The following APBB2 variants were observed in gnomAD, a reference collection of about 807,000 sequenced individuals.
APBB2 encodes amyloid beta precursor protein binding family B member 2.
APBB2 carries 38 observed loss-of-function variants against 82.5 expected under a neutral mutation model. The observed-to-expected ratio is 0.46, with a 90% CI of 0.36 to 0.60. The LOEUF (loss-of-function observed/expected upper bound fraction) is 0.60, where lower values mean the gene tolerates loss of function less well. Among genes scored for constraint, APBB2 ranks in the 20% least tolerant of loss-of-function variants. The pLI is 0.00. For synonymous variants in APBB2, 341 were observed against 368.2 expected, an observed-to-expected ratio of 0.93 and a Z score of 0.85; for missense variants, 772 against 972.3, an observed-to-expected ratio of 0.79 and a Z score of 2.74.
chr4:40,997,018 T>C (rs1803812285), intron 6 of APBB2, among the ~76,000 whole-genome samples: 2 of 152,152 alleles, frequency 1.3e-5, no homozygotes, highest in Non-Finnish European at 2.9e-5. Flanking sequence ...GAAACTTACA[T>C]GACCGCTGCA....
intron 12 of APBB2, among the ~76,000 whole-genome samples, chr4:40,850,855 G>T (rs1307345578): frequency 1.3e-5 from 2 of 152,172 alleles, no homozygotes; most frequent in Non-Finnish European, 2.9e-5. Flanking sequence ...TGAGGCAGGA[G>T]AACTGCTTGA....
At chr4:41,123,101 GCTCT>G (rs150789404) in intron 2 of APBB2, among the ~76,000 whole-genome samples, 4 of 148,932 alleles carry the variant, frequency 2.7e-5, no homozygotes, top group South Asian at 2.1e-4. Flanking sequence ...TCTTGCCCCA[GCTCT>G]CTCTCTCTCT....
At chr4:40,827,470 T>A (rs975503181) in intron 13 of APBB2, among the ~76,000 whole-genome samples, 1 of 152,104 alleles carries the variant, frequency 6.6e-6, no homozygotes. Context: ...AATGGACTTC[T>A]TCCATTCACC....
At position 41,100,676 on chromosome 4, in the gene APBB2, C is replaced by CT; in HGVS notation, c.-187dup. ...TTTGGTACAAAGCTCAGAAGGCAAG[C>CT]TCCTTTTTTTCCCCACAAAGTCTGT... On this transcript the variant is annotated 5_prime_UTR_variant, in exon 3 of 18. Transcript: ENST00000508593. 6.6e-6 allele frequency: 1 copy of CT among 152,152 alleles called. No homozygotes were observed. 9.4% of individuals were successfully genotyped at this position (152,152 alleles called of 1,614,324 possible).
chr4:40,907,377 ATATTTTTTTTTT>A (rs1384430225), intron 10 of APBB2, among the ~76,000 whole-genome samples: 544 of 28,182 alleles, frequency 0.019, 3 homozygotes, highest in African/African-American at 0.1. Context: ...ATATATATAT[ATATTTTTTTTTT>A]TTTTTTTTTT....
At chr4:40,991,167 G>A (rs1801953549) in intron 6 of APBB2, among the ~76,000 whole-genome samples, 1 of 132,902 alleles carries the variant, frequency 7.5e-6, no homozygotes, top group Non-Finnish European at 1.6e-5. Flanking sequence ...GTGTGTGTGT[G>A]TGTTTTGCTT....
chr4:40,925,634 C>T (rs538376889), intron 10 of APBB2, among the ~76,000 whole-genome samples: 2 of 152,212 alleles, frequency 1.3e-5, no homozygotes, highest in South Asian at 2.1e-4. Context: ...GAAACCTGTA[C>T]CACGTGAATA....
chr4:40,915,583 C>A (rs914463807), intron 10 of APBB2, among the ~76,000 whole-genome samples: 1 of 152,206 alleles, frequency 6.6e-6, no homozygotes. Flanking sequence ...AAAGGTTTTA[C>A]TGTACCAGTC....
At chr4:41,160,696 A>C (rs1295561140) in intron 1 of APBB2, among the ~76,000 whole-genome samples, 1 of 152,166 alleles carries the variant, frequency 6.6e-6, no homozygotes, top group Admixed American at 6.5e-5. Flanking sequence ...CATTGCAATG[A>C]GCTCTCCAAT....
At chr4:40,883,427 A>C (rs1437299416) in intron 12 of APBB2, among the ~76,000 whole-genome samples, 1 of 152,108 alleles carries the variant, frequency 6.6e-6, no homozygotes. Flanking sequence ...CCTCTACTAA[A>C]AATACAAAAA....
chr4:40,875,222 A>G (rs1766584124), intron 12 of APBB2, among the ~76,000 whole-genome samples: 1 of 152,262 alleles, frequency 6.6e-6, no homozygotes, highest in South Asian at 2.1e-4. Flanking sequence ...ACACAGACAG[A>G]GATGGGAGTT....
chr4:40,965,261 C>A (rs1482946915), intron 6 of APBB2, among the ~76,000 whole-genome samples: 2 of 152,110 alleles, frequency 1.3e-5, no homozygotes, highest in Non-Finnish European at 2.9e-5. Context: ...GAAAATATAT[C>A]ACGAATTATG....
chr4:41,110,715 C>T (rs1357748681), intron 2 of APBB2, among the ~76,000 whole-genome samples: 1 of 152,040 alleles, frequency 6.6e-6, no homozygotes, highest in Non-Finnish European at 1.5e-5. Context: ...AGCCCCTTTG[C>T]ATCCCCTCTA....
At chr4:41,062,439 G>A (rs757945512) in intron 4 of APBB2, among the ~76,000 whole-genome samples, 3 of 151,828 alleles carry the variant, frequency 2.0e-5, no homozygotes, top group Admixed American at 1.3e-4. Flanking sequence ...TTGGCCTCCC[G>A]AAGTGCTGGG....
intron 6 of APBB2, among the ~76,000 whole-genome samples, chr4:40,971,549 G>A (rs993327588): frequency 2.6e-5 from 4 of 152,138 alleles, no homozygotes; most frequent in Non-Finnish European, 5.9e-5. Context: ...TTCCCATTCT[G>A]AGGCTATTAG....
intron 12 of APBB2, among the ~76,000 whole-genome samples, chr4:40,838,484 T>G (rs1353890614): frequency 1.3e-5 from 2 of 152,110 alleles, no homozygotes; most frequent in Non-Finnish European, 2.9e-5. Context: ...TACAGGCACG[T>G]GCCACCACAC....
chr4:41,084,382 C>A (rs1738858541), intron 3 of APBB2, among the ~76,000 whole-genome samples: 1 of 152,088 alleles, frequency 6.6e-6, no homozygotes. Flanking sequence ...AGAGATCACA[C>A]CATTGCATTC....
intron 12 of APBB2, among the ~76,000 whole-genome samples, chr4:40,885,907 C>T (rs1246574653): frequency 6.6e-6 from 1 of 152,128 alleles, no homozygotes; most frequent in East Asian, 1.9e-4. Flanking sequence ...CTTGGTTTAA[C>T]TCAGTTTCCC....
chr4:40,946,126 G>A (rs997134419), intron 6 of APBB2, among the ~76,000 whole-genome samples: 1 of 151,812 alleles, frequency 6.6e-6, no homozygotes, highest in Admixed American at 6.6e-5. Flanking sequence ...CAGTTACTCG[G>A]GAGGTGGAGG....
Sources: allele counts gnomAD v4.1 joint callset (sites outside exome capture counted in the v4.1 genomes callset), GRCh38; gene constraint gnomAD v4.1.1; transcripts MANE v1.5; gene names NCBI Gene and HGNC (gene_info 2026-07-23, HGNC 2026-07-21).